Variants in STON2 observed in about 807,000 individuals in gnomAD.
STON2 encodes stonin 2.
In STON2, 29 loss-of-function variants were observed where a neutral mutation model predicts 65.7. That is an observed-to-expected ratio of 0.44 (90% CI 0.33 to 0.60). The LOEUF (loss-of-function observed/expected upper bound fraction) is 0.60. Among genes scored for constraint, STON2 ranks in the 20% least tolerant of loss-of-function variants. The probability of loss-of-function intolerance (pLI) is 0.03; values close to 1 mark genes in which losing one functional copy is unlikely to be tolerated. For missense variants in STON2, 1,054 were observed against 1,118.1 expected, an observed-to-expected ratio of 0.94 and a Z score of 0.82; for synonymous variants, 404 against 414.2, an observed-to-expected ratio of 0.98 and a Z score of 0.30.
intron 3 of STON2, among the ~76,000 whole-genome samples, chr14:81,371,972 C>T (rs1295823666): frequency 2.0e-5 from 3 of 152,190 alleles, no homozygotes; most frequent in South Asian, 4.2e-4. Flanking sequence ...ATGTGGCATG[C>T]CCCTGCTTGC....
In STON2 at chr14:81,324,335, C is replaced by CT. The variant is rs556598570; in HGVS notation, c.572-149dup. On this transcript the variant is annotated intron_variant, in intron 4 of 7. Transcript: ENST00000614646. The stretch of plus-strand genomic sequence containing the variant: ...AGCCTGAGATCTCCCTTCTGATTTC[C>CT]TTTTGTGATTACTTCCTGAACTTTA... 3.9e-4 allele frequency among the ~76,000 whole-genome samples: 59 copies of CT among 152,356 alleles called. 1 individual carries two copies. The South Asian group carries it at 4.1e-3, about 11-fold the overall frequency.
At chr14:81,336,012 T>G (rs1440174659) in intron 4 of STON2, among the ~76,000 whole-genome samples, 1 of 151,978 alleles carries the variant, frequency 6.6e-6, no homozygotes, top group Admixed American at 6.6e-5. Context: ...TACTCAGGAC[T>G]GAGTAGGGGT....
At chr14:81,297,160 C>T (rs1346928396) in intron 5 of STON2, among the ~76,000 whole-genome samples, 2 of 152,158 alleles carry the variant, frequency 1.3e-5, no homozygotes, top group African/African-American at 4.8e-5. Flanking sequence ...ACCACCGCTG[C>T]CTCCAAGACA....
At chr14:81,310,685 T>C (rs1033968587) in intron 5 of STON2, among the ~76,000 whole-genome samples, 4 of 152,222 alleles carry the variant, frequency 2.6e-5, no homozygotes, top group Non-Finnish European at 4.4e-5. Context: ...TCTCCTATTT[T>C]GTGTATCAGG....
chr14:81,306,386 A>AT (rs35661541), intron 5 of STON2, among the ~76,000 whole-genome samples: 1 of 150,104 alleles, frequency 6.7e-6, no homozygotes, highest in African/African-American at 2.5e-5. Flanking sequence ...CATATGCTCT[A>AT]TTTTTTTTTA....
intron 3 of STON2, chr14:81,395,606 C>G: frequency 3.0e-6 from 1 of 338,662 alleles, no homozygotes; most frequent in Non-Finnish European, 5.4e-6. Flanking sequence ...AATTCCAATC[C>G]CTAATAGAAA....
At chr14:81,400,981 C>A (rs984892422), upstream of STON2, among the ~76,000 whole-genome samples, 1 of 152,206 alleles carries the variant, frequency 6.6e-6, no homozygotes, top group African/African-American at 2.4e-5. Context: ...CAGCAGGTGA[C>A]CTTACAGAGG....
intron 3 of STON2, among the ~76,000 whole-genome samples, chr14:81,371,745 T>C (rs372039423): frequency 6.7e-6 from 1 of 148,716 alleles, no homozygotes; most frequent in African/African-American, 2.5e-5. Flanking sequence ...AAAATCTCAC[T>C]AAAGGAACAC....
intron 4 of STON2, among the ~76,000 whole-genome samples, chr14:81,336,253 A>T (rs894511056): frequency 5.9e-5 from 9 of 152,180 alleles, no homozygotes; most frequent in Admixed American, 3.9e-4. Flanking sequence ...TTACCACTGC[A>T]TACCTCATTT....
chr14:81,277,101 T>C lies in STON2; in HGVS notation c.2381A>G (p.Glu794Gly). 3 of 1,614,138 alleles carry C rather than the reference T, an allele frequency of 1.9e-6. No homozygotes were observed. Among genetic ancestry groups the C allele is most frequent in the Non-Finnish European group, 2.5e-6 (3 of 1,180,020 alleles). The change falls in exon 6 of 8, where the codon GAG becomes GGG. Residue 794 changes from glutamate to glycine, a missense_variant. By Grantham distance (98) the Glu-to-Gly change is moderately conservative. Coordinates refer to ENST00000614646, the MANE Select transcript of STON2 (RefSeq NM_001394390.1). ...NVMIRYPVPS[E>G]WVKNFRRESV... is the part of the protein sequence containing the mutation. Reference sequence around the variant, plus strand: ...TTCCCTGCGGAAGTTTTTCACCCACTCACTGGGCACAGGGTAACGGATCAT... The same window carrying C: ...TTCCCTGCGGAAGTTTTTCACCCACCCACTGGGCACAGGGTAACGGATCAT...
At chr14:81,286,070 C>T (rs184888537) in intron 5 of STON2, among the ~76,000 whole-genome samples, 1 of 152,200 alleles carries the variant, frequency 6.6e-6, no homozygotes, top group East Asian at 1.9e-4. Context: ...ATCACTTGAA[C>T]CCAGGAGGTG....
chr14:81,355,770 T>G (rs912343436), intron 4 of STON2, among the ~76,000 whole-genome samples: 6 of 152,184 alleles, frequency 3.9e-5, no homozygotes, highest in Admixed American at 3.3e-4. Flanking sequence ...TTTGAAGCAA[T>G]TGTGAATGGG....
intron 4 of STON2, among the ~76,000 whole-genome samples, chr14:81,325,049 A>G (rs916767555): frequency 6.6e-6 from 1 of 152,156 alleles, no homozygotes; most frequent in Non-Finnish European, 1.5e-5. Context: ...AGTGAATGGG[A>G]GACCCCGGAT....
Position 81,277,114 on chromosome 14 carries a change from G to A in STON2, c.2368C>T (p.Pro790Ser). 1 of 1,614,194 alleles carries A rather than the reference G, an allele frequency of 6.2e-7. No homozygotes were observed. ...TTTTTCACCCACTCACTGGGCACAG[G>A]GTAACGGATCATCACATTCTCACAG... ...VPCENVMIRY[P>S]VPSEWVKNFR... The change falls in exon 6 of 8, where the codon CCT (proline) becomes TCT (serine). Residue 790 changes from proline to serine, a missense_variant. Coordinates refer to ENST00000614646, the MANE Select transcript of STON2 (RefSeq NM_001394390.1).
chr14:81,318,371 T>G (rs550609963), intron 5 of STON2, among the ~76,000 whole-genome samples: 3 of 152,238 alleles, frequency 2.0e-5, no homozygotes, highest in Admixed American at 6.5e-5. Flanking sequence ...GGATGCACAC[T>G]TCTCTGCTTC....
At chr14:81,312,607 C>T (rs1279295270) in intron 5 of STON2, among the ~76,000 whole-genome samples, 1 of 152,228 alleles carries the variant, frequency 6.6e-6, no homozygotes, top group Non-Finnish European at 1.5e-5. Context: ...TCCATCACAC[C>T]TCCAACCTAA....
chr14:81,306,167 CTA>C lies in STON2; in HGVS notation c.742+17848_742+17849del, dbSNP rs1555397650. Among the ~76,000 whole-genome samples, 723 of 132,312 alleles carry C rather than the reference CTA, an allele frequency of 5.5e-3. 10 individuals carry two copies. The highest frequency in any genetic ancestry group is 0.034 in the South Asian group (146 of 4,236). The allele number at this position is 132,312 out of a possible 152,430, so 86.8% of individuals were successfully genotyped here. On this transcript the variant is annotated intron_variant, in intron 5 of 7. Transcript: ENST00000614646. ...GATTCTTTTAAATCTCTCTCTCTCTCTATATATATATATATATACACTCTATT... is the reference window on the plus strand; with the variant it reads ...GATTCTTTTAAATCTCTCTCTCTCTCTATATATATATATATACACTCTATT...
In STON2 at chr14:81,398,303, T is replaced by A. The variant is rs1300626914; in HGVS notation, c.80A>T (p.His27Leu). 1.9e-6 allele frequency: 3 copies of A among 1,612,290 alleles called. No individual in the cohort carries two copies. Among genetic ancestry groups the A allele is most frequent in the Non-Finnish European group, 1.7e-6 (2 of 1,178,718 alleles). ...ACGAAGGCACTCCTTACCCTGCGAG[T>A]GGGCAGGAAAGGGTGGCTCTTCATT... ...SFNEEPPFPA[H>L]SQGGTEEHLP... is the part of the protein sequence containing the mutation. Residue 27 changes from histidine (H) to leucine (L), a missense_variant, in exon 2 of 8, where the codon CAC becomes CTC. Physicochemically the swap from His to Leu is moderately conservative, Grantham distance 99. Transcript: ENST00000614646.
At chr14:81,383,426 C>T (rs775665432) in intron 3 of STON2, among the ~76,000 whole-genome samples, 1 of 152,164 alleles carries the variant, frequency 6.6e-6, no homozygotes, top group Non-Finnish European at 1.5e-5. Flanking sequence ...ATATTTTTGT[C>T]CAAATCGACT....
Sources: allele counts gnomAD v4.1 joint callset (sites outside exome capture counted in the v4.1 genomes callset), GRCh38; gene constraint gnomAD v4.1.1; transcripts MANE v1.5; gene names NCBI Gene and HGNC (gene_info 2026-07-23, HGNC 2026-07-21).